ZSWIM5: variants seen among roughly 807,000 people sequenced by gnomAD.
ZSWIM5 encodes the protein zinc finger SWIM domain-containing protein 5.
In ZSWIM5, 55 loss-of-function variants were observed where a neutral mutation model predicts 119.6. The observed-to-expected ratio is 0.46, with a 90% CI of 0.37 to 0.58. The LOEUF is 0.58. Among genes scored for constraint, ZSWIM5 ranks in the 20% least tolerant of loss-of-function variants. The pLI, the probability that ZSWIM5 is intolerant of heterozygous loss-of-function variation, is 0.00. For missense variants in ZSWIM5, 1,193 were observed against 1,512.8 expected (o/e 0.79, Z 3.51); for synonymous variants, 537 against 606.9 (o/e 0.88, Z 1.69).
chr1:45,017,085 T>C lies in ZSWIM5; in HGVS notation c.*1369A>G, dbSNP rs569308355. 6.6e-6 allele frequency: 1 copy of C among 152,188 alleles called. No homozygotes were observed. Among genetic ancestry groups the C allele is most frequent in the East Asian group, 1.9e-4 (1 of 5,194 alleles). The allele number at this position is 152,188 out of a possible 1,614,324, so 9.4% of individuals were successfully genotyped here. Reference sequence around the variant, plus strand: ...AGCCAATCTGATGGCAGAGGGAGATTGGTGCTTAGAAGCTTGTTTGGTGAG... The same window carrying C: ...AGCCAATCTGATGGCAGAGGGAGATCGGTGCTTAGAAGCTTGTTTGGTGAG... On this transcript the variant is annotated 3_prime_UTR_variant, in exon 14 of 14. Transcript: ENST00000359600.
intron 1 of ZSWIM5, among the ~76,000 whole-genome samples, chr1:45,166,608 G>A (rs1291355979): frequency 1.3e-5 from 2 of 152,046 alleles, no homozygotes; most frequent in Non-Finnish European, 2.9e-5. Flanking sequence ...AAGCTGATAC[G>A]CAACTTCAGC....
At chr1:45,040,766 A>G (rs1055616235) in intron 6 of ZSWIM5, among the ~76,000 whole-genome samples, 1 of 152,224 alleles carries the variant, frequency 6.6e-6, no homozygotes, top group Non-Finnish European at 1.5e-5. Flanking sequence ...TGGTGTAGAA[A>G]GGGACACACA....
At chr1:45,033,577 T>G (rs1361017940) in intron 11 of ZSWIM5, among the ~76,000 whole-genome samples, 1 of 149,194 alleles carries the variant, frequency 6.7e-6, no homozygotes, top group Non-Finnish European at 1.5e-5. Flanking sequence ...CACTTTGGAC[T>G]GCCTATCTTT....
chr1:45,036,069 G>A lies in ZSWIM5; in HGVS notation c.2125C>T (p.Leu709=), dbSNP rs763567594. The change falls in exon 9 of 14, where the codon CTG becomes TTG. Residue 709 remains leucine, a synonymous_variant. Coordinates refer to ENST00000359600, the MANE Select transcript of ZSWIM5 (RefSeq NM_020883.2). ...AGCAGTAAGATGCATTGTTTTTGCA[G>A]TGTTTGCACTAGCTCATCGTCCAGC... The part of the protein sequence containing the change: ...LQLDDELVQT[L]QKQCILLLEG... 3 of 1,614,040 alleles carry A rather than the reference G, an allele frequency of 1.9e-6. No individual in the cohort carries two copies. The highest frequency in any genetic ancestry group is 1.7e-5 in the Admixed American group (1 of 59,998).
intron 1 of ZSWIM5, among the ~76,000 whole-genome samples, chr1:45,121,601 TC>T (rs1645592711): frequency 6.7e-6 from 1 of 148,504 alleles, no homozygotes; most frequent in African/African-American, 2.5e-5. Context: ...TTTTTCTTCT[TC>T]TTTTTTTTTT....
chr1:45,080,840 G>A (rs1645285585), intron 2 of ZSWIM5, among the ~76,000 whole-genome samples: 1 of 152,188 alleles, frequency 6.6e-6, no homozygotes, highest in Admixed American at 6.6e-5. Context: ...AGGGCATAGA[G>A]TAGTGCTGGA....
intron 4 of ZSWIM5, among the ~76,000 whole-genome samples, chr1:45,056,044 A>G (rs1467313989): frequency 6.6e-6 from 1 of 152,228 alleles, no homozygotes; most frequent in African/African-American, 2.4e-5. Flanking sequence ...AAGAACAGAG[A>G]AGTGACTGTT....
chr1:45,177,924 A>G (rs908085630), intron 1 of ZSWIM5, among the ~76,000 whole-genome samples: 5 of 151,926 alleles, frequency 3.3e-5, no homozygotes, highest in African/African-American at 7.2e-5. Flanking sequence ...TAATAAATTC[A>G]TTCCACAAGG....
At chr1:45,090,860 G>GA (rs1194644599) in intron 1 of ZSWIM5, among the ~76,000 whole-genome samples, 1 of 151,440 alleles carries the variant, frequency 6.6e-6, no homozygotes, top group African/African-American at 2.4e-5. Context: ...CTAAAGAAGA[G>GA]AACTGTAGGG....
Position 45,186,128 on chromosome 1 carries a change from A to G in ZSWIM5, c.595+19628T>C, listed in dbSNP as rs577891288. Among the ~76,000 whole-genome samples, 22 of 151,416 alleles carry G rather than the reference A, an allele frequency of 1.5e-4. No individual in the cohort carries two copies. In the South Asian group the frequency reaches 4.4e-3, roughly 30 times the overall value. On this transcript the variant is annotated intron_variant, in intron 1 of 13. Coordinates refer to ENST00000359600, the MANE Select transcript of ZSWIM5 (RefSeq NM_020883.2). ...GACATGGATGAAATTGGAAATCATC[A>G]TTCTCAGTAAACTATCACAAGGACA...
chr1:45,113,208 T>G (rs1430345123), intron 1 of ZSWIM5, among the ~76,000 whole-genome samples: 3 of 152,156 alleles, frequency 2.0e-5, no homozygotes, highest in Admixed American at 6.5e-5. Flanking sequence ...AGCACTGTAA[T>G]GTGGTTTATA....
intron 1 of ZSWIM5, among the ~76,000 whole-genome samples, chr1:45,114,902 C>T (rs1645538629): frequency 1.3e-5 from 2 of 152,008 alleles, no homozygotes; most frequent in South Asian, 4.2e-4. Flanking sequence ...CTTGCACTGC[C>T]CTTAATCCAT....
chr1:45,127,407 G>A (rs760710864), intron 1 of ZSWIM5, among the ~76,000 whole-genome samples: 2 of 150,444 alleles, frequency 1.3e-5, no homozygotes, highest in Non-Finnish European at 2.9e-5. Flanking sequence ...AATGCTTTAC[G>A]CTAAGATAGG....
At chr1:45,176,094 G>A (rs1645979402) in intron 1 of ZSWIM5, among the ~76,000 whole-genome samples, 1 of 150,014 alleles carries the variant, frequency 6.7e-6, no homozygotes, top group Non-Finnish European at 1.5e-5. Flanking sequence ...TTGCTATTGG[G>A]ATATTACTGC....
intron 2 of ZSWIM5, among the ~76,000 whole-genome samples, chr1:45,087,441 ATGCTAACACATGCTCCTTAGGAT>A (rs2149011430): frequency 6.6e-6 from 1 of 152,340 alleles, no homozygotes; most frequent in South Asian, 2.1e-4. Context: ...CATAAGCACA[ATGCTAACACATGCTCCTTAGGAT>A]AACTCTGATG....
At chr1:45,036,437 C>T (rs1488158975) in intron 8 of ZSWIM5, 138 bp from the exon 9 acceptor site, 3 of 1,238,454 alleles carry the variant, frequency 2.4e-6, no homozygotes, top group Non-Finnish European at 3.3e-6. Flanking sequence ...TCACTGCAGC[C>T]TCCGCCTCCC....
intron 1 of ZSWIM5, among the ~76,000 whole-genome samples, chr1:45,118,292 A>T (rs1645570917): frequency 6.6e-6 from 1 of 152,240 alleles, no homozygotes; most frequent in South Asian, 2.1e-4. Context: ...AACAATAAGC[A>T]AAGTGAGAAA....
chr1:45,039,135 C>T (rs1645003615), intron 7 of ZSWIM5, 62 bp from the exon 8 acceptor site: 2 of 1,584,754 alleles, frequency 1.3e-6, no homozygotes, highest in Non-Finnish European at 1.7e-6. Context: ...CTGTCCCTGC[C>T]TGGGTCTTCT....
chr1:45,151,197 A>G (rs1645794663), intron 1 of ZSWIM5, among the ~76,000 whole-genome samples: 1 of 152,016 alleles, frequency 6.6e-6, no homozygotes, highest in African/African-American at 2.4e-5. Context: ...AGTATTTACT[A>G]CCATCTGATT....
Sources: allele counts gnomAD v4.1 joint callset (sites outside exome capture counted in the v4.1 genomes callset), GRCh38; gene constraint gnomAD v4.1.1; transcripts MANE v1.5; gene names NCBI Gene and HGNC (gene_info 2026-07-23, HGNC 2026-07-21).